The following PSMA6 variants were observed in gnomAD, a reference collection of about 807,000 sequenced individuals.
The protein encoded by PSMA6 is proteasome subunit alpha type-6.
For synonymous variants in PSMA6, 88 were observed against 97.7 expected, an observed-to-expected ratio of 0.90 and a Z score of 0.59; for missense variants, 170 against 294.8, an observed-to-expected ratio of 0.58 and a Z score of 3.10.
intron 1 of PSMA6, among the ~76,000 whole-genome samples, chr14:35,299,799 G>A (rs1338039695): frequency 6.6e-6 from 1 of 152,166 alleles, no homozygotes; most frequent in Non-Finnish European, 1.5e-5. Flanking sequence ...ACATTTCATG[G>A]TGGTAGTGTT....
chr14:35,317,011 G>A (rs2052056417), intron 6 of PSMA6: 1 of 387,008 alleles, frequency 2.6e-6, no homozygotes, highest in East Asian at 4.0e-5. Flanking sequence ...TTCTAAATCT[G>A]ATGTCAAAGT....
intron 1 of PSMA6, among the ~76,000 whole-genome samples, chr14:35,299,327 C>CCTTTTTTTTTTTTT (rs2051663025): frequency 1.5e-5 from 1 of 66,008 alleles, no homozygotes; most frequent in Admixed American, 2.3e-4. Context: ...TGCCCAGCCT[C>CCTTTTTTTTTTTTT]TTTTTTTTTT....
At chr14:35,292,266 T>A, upstream of PSMA6, 1 of 1,374,816 alleles carries the variant, frequency 7.3e-7, no homozygotes, top group Non-Finnish European at 9.4e-7. Context: ...TTCAAAGGCC[T>A]CCCGCCCTCA....
chr14:35,292,373 TG>T, upstream of PSMA6: 1 of 1,533,792 alleles, frequency 6.5e-7, no homozygotes, highest in Non-Finnish European at 8.8e-7. Flanking sequence ...GAAACGCGGC[TG>T]GTACCCCGGA....
At chr14:35,303,276 A>G (rs2051752949) in intron 1 of PSMA6, among the ~76,000 whole-genome samples, 1 of 152,166 alleles carries the variant, frequency 6.6e-6, no homozygotes. Context: ...TTTATCCTTA[A>G]CTAGGCCGCT....
chr14:35,310,132 AT>A (rs1472696466), intron 3 of PSMA6: 18 of 410,812 alleles, frequency 4.4e-5, no homozygotes, highest in African/African-American at 2.8e-4. Flanking sequence ...TAAAAAAAAA[AT>A]GAAAAACTAA....
intron 4 of PSMA6, 55 bp downstream of exon 4, chr14:35,310,950 A>G (rs2051932681): frequency 2.6e-6 from 4 of 1,520,878 alleles, no homozygotes; most frequent in Non-Finnish European, 2.7e-6. Context: ...TTTTTACAGA[A>G]CATGTATACA....
intron 1 of PSMA6, among the ~76,000 whole-genome samples, chr14:35,302,708 AT>A (rs1204283525): frequency 1.3e-5 from 2 of 151,424 alleles, no homozygotes; most frequent in African/African-American, 4.9e-5. Context: ...TTTTTCAACT[AT>A]TTTTTCTGCC....
intron 2 of PSMA6, 153 bp from the exon 3 acceptor site, chr14:35,308,761 A>C (rs879464553): frequency 1.9e-5 from 11 of 569,034 alleles, no homozygotes; most frequent in Non-Finnish European, 3.1e-5. Flanking sequence ...CTATAAAATG[A>C]TCAGAAGACA....
chr14:35,303,929 A>C (rs1169510877), intron 1 of PSMA6, among the ~76,000 whole-genome samples: 1 of 149,318 alleles, frequency 6.7e-6, no homozygotes, highest in African/African-American at 2.5e-5. Context: ...TTTTAAACGG[A>C]GTCTCACTCA....
At chr14:35,312,728 A>G in intron 4 of PSMA6, 153 bp from the exon 5 acceptor site, 1 of 581,130 alleles carries the variant, frequency 1.7e-6, no homozygotes, top group Non-Finnish European at 2.9e-6. Flanking sequence ...TGTGGTGATA[A>G]CCTGTATTTT....
chr14:35,292,466 C>A lies in PSMA6; in HGVS notation c.-11C>A, dbSNP rs765358680. The A allele has an allele frequency of 6.4e-5, 103 of 1,612,670 alleles. 4 individuals carry two copies. In the South Asian group the frequency reaches 8.8e-4, roughly 14 times the overall value. On this transcript the variant is annotated 5_prime_UTR_variant, in exon 1 of 7. Coordinates refer to ENST00000261479, the MANE Select transcript of PSMA6 (RefSeq NM_002791.3). ...CCCAGGGATTGTGTTTAAAGTAGTG[C>A]TTCTACCAACATGTCCCGTGGTTCC... is the stretch of plus-strand genomic sequence containing the variant.
At chr14:35,297,531 A>T (rs1192465335) in intron 1 of PSMA6, among the ~76,000 whole-genome samples, 2 of 152,154 alleles carry the variant, frequency 1.3e-5, no homozygotes, top group African/African-American at 4.8e-5. Flanking sequence ...AATAACTCAT[A>T]GAATATGTAT....
At chr14:35,303,179 G>A (rs1052042374) in intron 1 of PSMA6, among the ~76,000 whole-genome samples, 1 of 152,120 alleles carries the variant, frequency 6.6e-6, no homozygotes, top group Non-Finnish European at 1.5e-5. Flanking sequence ...GTATTGACTT[G>A]TTTTGTTCTA....
chr14:35,306,164 G>A (rs1015275714), intron 1 of PSMA6, among the ~76,000 whole-genome samples: 5 of 152,080 alleles, frequency 3.3e-5, no homozygotes, highest in Admixed American at 6.6e-5. Context: ...GGGAGGTCGA[G>A]GCTGCAGTGA....
chr14:35,300,903 A>C (rs2138730194), intron 1 of PSMA6, among the ~76,000 whole-genome samples: 1 of 152,370 alleles, frequency 6.6e-6, no homozygotes, highest in Non-Finnish European at 1.5e-5. Flanking sequence ...CTGTAAGAAA[A>C]GCAGGTTTAT....
chr14:35,311,025 C>A, intron 4 of PSMA6, 130 bp downstream of exon 4: 1 of 878,502 alleles, frequency 1.1e-6, no homozygotes, highest in Non-Finnish European at 1.7e-6. Context: ...GTGGGAAAAT[C>A]TTTATAATAA....
intron 1 of PSMA6, among the ~76,000 whole-genome samples, chr14:35,304,082 C>T (rs1207846052): frequency 6.6e-6 from 1 of 152,060 alleles, no homozygotes; most frequent in African/African-American, 2.4e-5. Context: ...CAGCGATTTT[C>T]CTGCCTCAGC....
intron 1 of PSMA6, among the ~76,000 whole-genome samples, chr14:35,298,555 C>T (rs1224253856): frequency 6.6e-6 from 1 of 151,870 alleles, no homozygotes; most frequent in Non-Finnish European, 1.5e-5. Context: ...CTTGGACATT[C>T]AAGAATAGTT....
Sources: gnomAD v4.1 joint callset for allele counts (sites outside exome capture counted in the v4.1 genomes callset) on GRCh38, gnomAD v4.1.1 for gene constraint, MANE v1.5 for transcripts, NCBI Gene and HGNC (gene_info 2026-07-23, HGNC 2026-07-21) for gene names.